The following GRIK1 variants were observed in gnomAD, a reference collection of about 807,000 sequenced individuals.
GRIK1 encodes glutamate receptor ionotropic, kainate 1.
A neutral mutation model predicts 105.7 loss-of-function variants in GRIK1; 69 were observed. That is an observed-to-expected ratio of 0.65 (90% CI 0.54 to 0.80). The LOEUF is 0.80. Ranked by LOEUF, GRIK1 falls within the 30% of genes least tolerant of loss-of-function variation. GRIK1 has a pLI of 0.00. For missense variants in GRIK1, 1,109 were observed against 1,167.3 expected (o/e 0.95, Z 0.73); for synonymous variants, 438 against 431.3 (o/e 1.02, Z -0.19).
intron 4 of GRIK1, among the ~76,000 whole-genome samples, chr21:29,665,392 T>A (rs1291253148): frequency 6.6e-6 from 1 of 152,188 alleles, no homozygotes; most frequent in Non-Finnish European, 1.5e-5. Flanking sequence ...ATAATTACGA[T>A]GAGAATGTAC....
intron 9 of GRIK1, among the ~76,000 whole-genome samples, chr21:29,593,445 T>C (rs887853616): frequency 1.3e-5 from 2 of 152,144 alleles, no homozygotes; most frequent in Non-Finnish European, 2.9e-5. Context: ...TCAATCTCCA[T>C]CCCTTCTTCT....
intron 1 of GRIK1, among the ~76,000 whole-genome samples, chr21:29,897,949 G>A (rs1569200389): frequency 6.6e-6 from 1 of 152,180 alleles, no homozygotes; most frequent in Non-Finnish European, 1.5e-5. Context: ...CCAGGAGGAG[G>A]AGAAATATTT....
chr21:29,909,498 A>C (rs934101118), intron 1 of GRIK1, among the ~76,000 whole-genome samples: 22 of 152,050 alleles, frequency 1.4e-4, no homozygotes, highest in Non-Finnish European at 2.6e-4. Context: ...ATAGAATGTT[A>C]CTAAAATATG....
At chr21:29,685,039 C>T (rs937015842) in intron 3 of GRIK1, among the ~76,000 whole-genome samples, 4 of 151,988 alleles carry the variant, frequency 2.6e-5, no homozygotes, top group Non-Finnish European at 5.9e-5. Context: ...TGTCTGTCTG[C>T]CTGCCTGCCT....
At position 29,858,991 on chromosome 21, in the gene GRIK1, A is replaced by G. The variant is rs1601871653; in HGVS notation, c.118+80392T>C. 2.6e-5 allele frequency among the ~76,000 whole-genome samples: 4 copies of G among 150,944 alleles called. No homozygotes were observed. In the South Asian group the frequency reaches 8.5e-4, roughly 32 times the overall value. On this transcript the variant is annotated intron_variant, in intron 1 of 17. Coordinates refer to ENST00000327783, the MANE Select transcript of GRIK1 (RefSeq NM_001330994.2). ...TTATGTTGTATCACTTTCCTGAGAA[A>G]CTTCAGAACTCACATATACACCATC...
At chr21:29,724,840 C>A (rs941043659) in intron 1 of GRIK1, among the ~76,000 whole-genome samples, 2 of 151,924 alleles carry the variant, frequency 1.3e-5, no homozygotes, top group African/African-American at 4.8e-5. Flanking sequence ...CTTTTCTTAG[C>A]GTATGTTTTA....
At chr21:29,669,243 TA>T (rs1210206740) in intron 4 of GRIK1, among the ~76,000 whole-genome samples, 1 of 152,202 alleles carries the variant, frequency 6.6e-6, no homozygotes, top group African/African-American at 2.4e-5. Flanking sequence ...AGATAAATGT[TA>T]AATATCTTTA....
chr21:29,667,379 G>A (rs975173266), intron 4 of GRIK1, among the ~76,000 whole-genome samples: 3 of 152,042 alleles, frequency 2.0e-5, no homozygotes, highest in Non-Finnish European at 4.4e-5. Context: ...GGAAGACCAG[G>A]CATTAAACAA....
intron 7 of GRIK1, among the ~76,000 whole-genome samples, chr21:29,607,023 G>T (rs910695947): frequency 2.0e-5 from 3 of 152,130 alleles, no homozygotes; most frequent in African/African-American, 7.2e-5. Context: ...ATGAAGTAGT[G>T]GGTATTTGAC....
intron 1 of GRIK1, among the ~76,000 whole-genome samples, chr21:29,897,318 C>T (rs1258718634): frequency 6.6e-6 from 1 of 152,222 alleles, no homozygotes; most frequent in African/African-American, 2.4e-5. Flanking sequence ...GTAAAGCATG[C>T]CTGCAAATGA....
intron 1 of GRIK1, among the ~76,000 whole-genome samples, chr21:29,704,978 T>G (rs1601494140): frequency 6.6e-6 from 1 of 152,234 alleles, no homozygotes; most frequent in Non-Finnish European, 1.5e-5. Context: ...GCTTTTAACA[T>G]CTCATTTAAA....
chr21:29,665,858 T>C (rs2063048836), intron 4 of GRIK1, among the ~76,000 whole-genome samples: 1 of 152,230 alleles, frequency 6.6e-6, no homozygotes, highest in African/African-American at 2.4e-5. Flanking sequence ...TGAAGCCTCA[T>C]TTTCCTCATC....
chr21:29,651,062 T>G (rs1314740555), intron 6 of GRIK1, 56 bp downstream of exon 6: 3 of 1,319,846 alleles, frequency 2.3e-6, no homozygotes, highest in Non-Finnish European at 3.2e-6. Flanking sequence ...CGTGAGATCT[T>G]AACCCCGAAG....
intron 14 of GRIK1, among the ~76,000 whole-genome samples, chr21:29,571,133 C>T (rs1415223690): frequency 6.6e-6 from 1 of 151,980 alleles, no homozygotes; most frequent in Non-Finnish European, 1.5e-5. Context: ...GGGTGGATCA[C>T]GAGGTCAGTT....
At chr21:29,630,966 T>G (rs887812575) in intron 7 of GRIK1, among the ~76,000 whole-genome samples, 1 of 151,840 alleles carries the variant, frequency 6.6e-6, no homozygotes, top group South Asian at 2.1e-4. Context: ...AGCTAATTTT[T>G]TTTGTTTGTT....
intron 1 of GRIK1, among the ~76,000 whole-genome samples, chr21:29,853,718 G>A (rs912872153): frequency 2.0e-5 from 3 of 152,102 alleles, no homozygotes; most frequent in Admixed American, 6.5e-5. Context: ...CCAAATCAAC[G>A]TGTATTAAAT....
intron 1 of GRIK1, among the ~76,000 whole-genome samples, chr21:29,797,432 T>C (rs2066590011): frequency 6.6e-6 from 1 of 152,160 alleles, no homozygotes; most frequent in Non-Finnish European, 1.5e-5. Flanking sequence ...TTCTAGTTGA[T>C]TATACTACAA....
chr21:29,903,167 A>T (rs1002064901), intron 1 of GRIK1, among the ~76,000 whole-genome samples: 2 of 152,236 alleles, frequency 1.3e-5, no homozygotes, highest in Non-Finnish European at 2.9e-5. Context: ...AAGACCTAGG[A>T]CCATACAAAT....
intron 12 of GRIK1, among the ~76,000 whole-genome samples, chr21:29,583,083 A>G (rs961729439): frequency 3.3e-5 from 5 of 152,162 alleles, no homozygotes; most frequent in African/African-American, 1.2e-4. Context: ...GGGGACTGGG[A>G]TAACAGTCTC....
Sources: gnomAD v4.1 joint callset for allele counts (sites outside exome capture counted in the v4.1 genomes callset) on GRCh38, gnomAD v4.1.1 for gene constraint, MANE v1.5 for transcripts, NCBI Gene and HGNC (gene_info 2026-07-23, HGNC 2026-07-21) for gene names.